MICOS10: variants seen among roughly 807,000 people sequenced by gnomAD.
MICOS10 encodes the protein MICOS complex subunit MIC10.
Under a neutral mutation model 13.4 loss-of-function variants are expected in MICOS10, and 5 were observed. The observed-to-expected ratio is 0.37, with a 90% CI of 0.20 to 0.78. The LOEUF is 0.78. Ranked by LOEUF, MICOS10 falls within the 30% of genes least tolerant of loss-of-function variation. The probability of loss-of-function intolerance (pLI) is 0.47; values close to 1 mark genes in which losing one functional copy is unlikely to be tolerated. For synonymous variants in MICOS10, 35 were observed against 33.6 expected, an observed-to-expected ratio of 1.04 and a Z score of -0.15; for missense variants, 101 against 94.6, an observed-to-expected ratio of 1.07 and a Z score of -0.28.
chr1:19,624,792 G>A lies in MICOS10; in HGVS notation c.222+1209G>A, dbSNP rs550343250. Among the ~76,000 whole-genome samples the A allele has an allele frequency of 1.4e-4, 20 of 146,758 alleles. No individual in the cohort carries two copies. In the East Asian group the frequency reaches 3.9e-3, roughly 28 times the overall value. The stretch of plus-strand genomic sequence containing the variant: ...GTGGCACTTATTTTGTATTCCCAGG[G>A]CCTGAAACAAAATAGCACTCAAATA... On this transcript the variant is annotated intron_variant, in intron 3 of 3. Transcript: ENST00000322753.
intron 1 of MICOS10, among the ~76,000 whole-genome samples, chr1:19,599,897 AC>A (rs2094807293): frequency 6.6e-6 from 1 of 152,064 alleles, no homozygotes; most frequent in African/African-American, 2.4e-5. Flanking sequence ...CGTATTCAGC[AC>A]CTCTGCCTTA....
rs1558351769 is a variant in MICOS10 at position 19,628,987 on chromosome 1, G to A, written c.*2586G>A. ...TCTGAGGGAATAGTTCTGGATAGAG[G>A]CCACAGGAAGCACTGGCCAGTTGCT... is the stretch of plus-strand genomic sequence containing the variant. On this transcript the variant is annotated 3_prime_UTR_variant, in exon 4 of 4. Coordinates refer to ENST00000322753, the MANE Select transcript of MICOS10 (RefSeq NM_001032363.4). 1 of 152,254 alleles carries A rather than the reference G, an allele frequency of 6.6e-6. No homozygotes were observed. Among genetic ancestry groups the A allele is most frequent in the Non-Finnish European group, 1.5e-5 (1 of 68,088 alleles). The allele number at this position is 152,254 out of a possible 1,614,324, so 9.4% of individuals were successfully genotyped here.
At chr1:19,608,073 T>C in intron 1 of MICOS10, 1 of 834,784 alleles carries the variant, frequency 1.2e-6, no homozygotes, top group Non-Finnish European at 2.1e-6. Context: ...ATAAAACCTA[T>C]AAGAGCTTTC....
At chr1:19,625,929 A>G (rs2094920427) in intron 3 of MICOS10, among the ~76,000 whole-genome samples, 2 of 152,108 alleles carry the variant, frequency 1.3e-5, no homozygotes, top group South Asian at 4.2e-4. Context: ...ATCTGCCCCC[A>G]GGACCATCCT....
rs114590263 is a variant in MICOS10 at position 19,602,347 on chromosome 1, A to G, written c.64+5238A>G. ...GTAAAGTAGATTTCTGCCCGTTCAC[A>G]TGTTTGATCATGTATCCTTGTGTTC... On this transcript the variant is annotated intron_variant, in intron 1 of 3. Transcript: ENST00000322753. Among the ~76,000 whole-genome samples the G allele has an allele frequency of 8.2e-3, 1,253 of 152,300 alleles. 19 individuals carry two copies. The highest frequency in any genetic ancestry group is 0.028 in the African/African-American group (1,182 of 41,552).
At chr1:19,618,445 A>G (rs2094892415) in intron 1 of MICOS10, among the ~76,000 whole-genome samples, 1 of 152,160 alleles carries the variant, frequency 6.6e-6, no homozygotes, top group Non-Finnish European at 1.5e-5. Flanking sequence ...CGCAGCCTGT[A>G]TTACACCTCT....
rs571635015 is a variant in MICOS10 at position 19,629,707 on chromosome 1, T to A, written c.*3306T>A. ...TTTTCCCAAACCTGTTTACATTTTT[T>A]AAAAATGTAACCAACCCATAATTGC... On this transcript the variant is annotated 3_prime_UTR_variant, in exon 4 of 4. Coordinates refer to ENST00000322753, the MANE Select transcript of MICOS10 (RefSeq NM_001032363.4). 2 of 152,332 alleles carry A rather than the reference T, an allele frequency of 1.3e-5. No individual in the cohort carries two copies. Among genetic ancestry groups the A allele is most frequent in the Admixed American group, 6.5e-5 (1 of 15,308 alleles). The allele number at this position is 152,332 out of a possible 1,614,324, so 9.4% of individuals were successfully genotyped here.
chr1:19,597,135 C>G, intron 1 of MICOS10, 26 bp downstream of exon 1: 1 of 1,596,430 alleles, frequency 6.3e-7, no homozygotes, highest in Non-Finnish European at 8.5e-7. Flanking sequence ...CCCCAGCAGG[C>G]CCGGCCGGTG....
intron 1 of MICOS10, 25 bp from the exon 2 acceptor site, chr1:19,622,075 G>A: frequency 6.3e-7 from 1 of 1,584,288 alleles, no homozygotes. Flanking sequence ...ATGAGATTTA[G>A]CATGTTTTTT....
At chr1:19,622,709 A>G (rs1460136275) in intron 2 of MICOS10, among the ~76,000 whole-genome samples, 11 of 152,226 alleles carry the variant, frequency 7.2e-5, no homozygotes, top group Admixed American at 5.9e-4. Flanking sequence ...TAATTAACAC[A>G]TAGTGCTGAT....
rs141127224 is a variant in MICOS10 at position 19,606,428 on chromosome 1, G to A, written c.64+9319G>A. Among the ~76,000 whole-genome samples the A allele has an allele frequency of 9.9e-5, 15 of 152,188 alleles. No individual in the cohort carries two copies. In the East Asian group the frequency reaches 2.5e-3, roughly 25 times the overall value. On this transcript the variant is annotated intron_variant, in intron 1 of 3. Transcript: ENST00000322753. ...TCATCTTTATGAAAAGAAAGGATTC[G>A]GCCTTGCTTCTTCCTTGTTACGAAA...
At chr1:19,605,632 C>G (rs2094831826) in intron 1 of MICOS10, among the ~76,000 whole-genome samples, 1 of 152,146 alleles carries the variant, frequency 6.6e-6, no homozygotes, top group Non-Finnish European at 1.5e-5. Context: ...TGTATTTGTA[C>G]TACATCTTGT....
At chr1:19,623,608 T>G in intron 3 of MICOS10, 25 bp downstream of exon 3, 3 of 1,502,576 alleles carry the variant, frequency 2.0e-6, no homozygotes, top group Non-Finnish European at 2.8e-6. Flanking sequence ...TATATTTCTC[T>G]TTCCTTCAGA....
chr1:19,609,253 C>T (rs1293270139), intron 1 of MICOS10, among the ~76,000 whole-genome samples: 1 of 152,020 alleles, frequency 6.6e-6, no homozygotes, highest in Non-Finnish European at 1.5e-5. Flanking sequence ...AGATACTTAA[C>T]ATCAGTGGCT....
chr1:19,621,223 A>G (rs2094902217), intron 1 of MICOS10, among the ~76,000 whole-genome samples: 1 of 152,208 alleles, frequency 6.6e-6, no homozygotes, highest in Non-Finnish European at 1.5e-5. Context: ...TTCTTGAATC[A>G]CACCTACCAG....
intron 1 of MICOS10, among the ~76,000 whole-genome samples, chr1:19,598,503 G>A (rs1372615519): frequency 3.9e-5 from 6 of 152,220 alleles, no homozygotes; most frequent in Admixed American, 6.5e-5. Flanking sequence ...TGAGCTGGGC[G>A]AAGTGGCTCA....
intron 1 of MICOS10, among the ~76,000 whole-genome samples, chr1:19,598,512 C>G (rs1312343162): frequency 1.3e-5 from 2 of 152,056 alleles, no homozygotes; most frequent in South Asian, 4.1e-4. Flanking sequence ...CGAAGTGGCT[C>G]AGGCCTGTAA....
intron 3 of MICOS10, 81 bp downstream of exon 3, chr1:19,623,664 G>T: frequency 1.0e-6 from 1 of 959,260 alleles, no homozygotes; most frequent in Non-Finnish European, 1.6e-6. Flanking sequence ...TAGACTGTTT[G>T]TAATGAGTAA....
Position 19,626,740 on chromosome 1 carries a change from CT to C in MICOS10, c.*340del, listed in dbSNP as rs1459946957. 37 of 267,490 alleles carry C rather than the reference CT, an allele frequency of 1.4e-4. No homozygotes were observed. Among genetic ancestry groups the C allele is most frequent in the African/African-American group, 7.5e-4 (35 of 46,406 alleles). The allele number at this position is 267,490 out of a possible 1,614,324, so 16.6% of individuals were successfully genotyped here. A position where few individuals can be genotyped will look rare whatever the true frequency, so the allele number is the denominator to read the frequency against. ...TGCTCACAGCCTCTCTGAGAACCCC[CT>C]GAAACCAGTTGTTGGGTATCCTTCC... is the stretch of plus-strand genomic sequence containing the variant. On this transcript the variant is annotated 3_prime_UTR_variant, in exon 4 of 4. Coordinates refer to ENST00000322753, the MANE Select transcript of MICOS10 (RefSeq NM_001032363.4).
Sources: gnomAD v4.1 joint callset for allele counts (sites outside exome capture counted in the v4.1 genomes callset) on GRCh38, gnomAD v4.1.1 for gene constraint, MANE v1.5 for transcripts, NCBI Gene and HGNC (gene_info 2026-07-23, HGNC 2026-07-21) for gene names.